The following NR3C2 variants were observed in gnomAD, a reference collection of about 807,000 sequenced individuals.
NR3C2 encodes nuclear receptor subfamily 3 group C member 2, also known as mineralocorticoid receptor.
A neutral mutation model predicts 86.4 loss-of-function variants in NR3C2; 15 were observed. The observed-to-expected ratio is 0.17, with a 90% CI of 0.12 to 0.27. NR3C2 has a LOEUF of 0.27. Ranked by LOEUF, NR3C2 falls within the 10% of genes least tolerant of loss-of-function variation. The pLI is 1.00. For missense variants in NR3C2, 960 were observed against 1,195.6 expected (o/e 0.80, Z 2.91); for synonymous variants, 458 against 450.5 (o/e 1.02, Z -0.21).
intron 3 of NR3C2, among the ~76,000 whole-genome samples, chr4:148,226,028 A>G (rs1257696625): frequency 6.6e-6 from 1 of 152,196 alleles, no homozygotes; most frequent in African/African-American, 2.4e-5. Flanking sequence ...CTTTCCTAAG[A>G]TATGTGTAAT....
chr4:148,155,329 G>C (rs923454845), intron 4 of NR3C2, among the ~76,000 whole-genome samples: 4 of 152,178 alleles, frequency 2.6e-5, no homozygotes, highest in Admixed American at 6.5e-5. Context: ...AATTGTCCCT[G>C]TTTGCAGACG....
chr4:148,123,547 G>A (rs1732610559), intron 6 of NR3C2, among the ~76,000 whole-genome samples: 1 of 152,166 alleles, frequency 6.6e-6, no homozygotes. Context: ...AAACTTGCTG[G>A]TTTTGAGGCT....
At chr4:148,365,210 GA>G (rs1746049963) in intron 2 of NR3C2, among the ~76,000 whole-genome samples, 1 of 152,186 alleles carries the variant, frequency 6.6e-6, no homozygotes. Context: ...AGGGGGCTAG[GA>G]AAGCCTTTCT....
At chr4:148,226,500 A>G (rs1738173319) in intron 3 of NR3C2, among the ~76,000 whole-genome samples, 1 of 152,206 alleles carries the variant, frequency 6.6e-6, no homozygotes, top group African/African-American at 2.4e-5. Flanking sequence ...CACATTATGA[A>G]TAAAGATGCT....
intron 2 of NR3C2, among the ~76,000 whole-genome samples, chr4:148,327,052 G>T (rs1186486347): frequency 6.6e-6 from 1 of 152,142 alleles, no homozygotes; most frequent in African/African-American, 2.4e-5. Flanking sequence ...TGATTATTCA[G>T]TTCTAGAGTT....
intron 2 of NR3C2, among the ~76,000 whole-genome samples, chr4:148,414,277 T>G (rs1203687375): frequency 1.3e-5 from 2 of 152,160 alleles, no homozygotes; most frequent in Non-Finnish European, 2.9e-5. Context: ...TGACTTGGAC[T>G]GCTTCCGCAA....
chr4:148,402,928 T>A (rs1039213610), intron 2 of NR3C2, among the ~76,000 whole-genome samples: 2 of 152,074 alleles, frequency 1.3e-5, no homozygotes, highest in African/African-American at 4.8e-5. Context: ...ACAATAGTGG[T>A]TCCTTTGGTT....
At chr4:148,348,664 A>T (rs1745121379) in intron 2 of NR3C2, among the ~76,000 whole-genome samples, 1 of 152,128 alleles carries the variant, frequency 6.6e-6, no homozygotes, top group South Asian at 2.1e-4. Context: ...GGAGCTAATG[A>T]GGTTTATAGG....
At position 148,436,295 on chromosome 4, in the gene NR3C2, T is replaced by G; in HGVS notation, c.566A>C (p.Glu189Ala). Residue 189 changes from glutamate to alanine, a missense_variant, in exon 2 of 9, where the codon GAG becomes GCG. Coordinates refer to ENST00000358102, the MANE Select transcript of NR3C2 (RefSeq NM_000901.5). ...AVVKSPIMCH[E>A]KSPSVCSPLN... Reference sequence around the variant, plus strand: ...AGGGCTGCAAACAGACGGGCTTTTCTCATGACACATGATAGGGCTTTTAAC... The same window carrying G: ...AGGGCTGCAAACAGACGGGCTTTTCGCATGACACATGATAGGGCTTTTAAC... 6.2e-7 allele frequency: 1 copy of G among 1,614,166 alleles called. No individual in the cohort carries two copies. The highest frequency in any genetic ancestry group is 1.1e-5 in the South Asian group (1 of 91,088).
intron 3 of NR3C2, among the ~76,000 whole-genome samples, chr4:148,226,831 C>G (rs1224087744): frequency 1.3e-5 from 2 of 152,136 alleles, no homozygotes; most frequent in Admixed American, 1.3e-4. Flanking sequence ...ATTTCTCTGA[C>G]TACAAATGAT....
At chr4:148,268,351 A>G (rs1208366360) in intron 2 of NR3C2, among the ~76,000 whole-genome samples, 4 of 152,178 alleles carry the variant, frequency 2.6e-5, no homozygotes, top group Non-Finnish European at 5.9e-5. Flanking sequence ...ATCTTTGCTG[A>G]CAAATGAATC....
chr4:148,363,158 T>C lies in NR3C2; in HGVS notation c.1757+71946A>G, dbSNP rs573554289. On this transcript the variant is annotated intron_variant, in intron 2 of 8. Transcript: ENST00000358102. ...TAAGGACAATACGTGAAATGACAGA[T>C]GCCGAAGCCCTGAGTGACCATGAGG... 5.3e-5 allele frequency among the ~76,000 whole-genome samples: 8 copies of C among 152,302 alleles called. No homozygotes were observed. The South Asian group carries it at 1.7e-3, about 32-fold the overall frequency.
chr4:148,091,400 G>A (rs775471743), intron 8 of NR3C2, among the ~76,000 whole-genome samples: 48 of 152,356 alleles, frequency 3.2e-4, no homozygotes, highest in Non-Finnish European at 6.2e-4. Context: ...CTTAGCAGAT[G>A]TTTAAGGTAG....
chr4:148,338,003 T>C (rs930181063), intron 2 of NR3C2, among the ~76,000 whole-genome samples: 5 of 152,188 alleles, frequency 3.3e-5, no homozygotes, highest in Non-Finnish European at 7.3e-5. Flanking sequence ...TTCCTAAACT[T>C]TACATACCTA....
upstream of NR3C2, among the ~76,000 whole-genome samples, chr4:148,445,159 C>G (rs960735761): frequency 1.3e-5 from 2 of 152,022 alleles, no homozygotes; most frequent in Non-Finnish European, 2.9e-5. Context: ...GCACGCACCC[C>G]CTTCAGCCCT....
chr4:148,289,123 A>T (rs1466240778), intron 2 of NR3C2, among the ~76,000 whole-genome samples: 1 of 152,206 alleles, frequency 6.6e-6, no homozygotes, highest in African/African-American at 2.4e-5. Context: ...ATTTTAAAAT[A>T]AACTGGATAT....
intron 4 of NR3C2, among the ~76,000 whole-genome samples, chr4:148,175,899 G>A (rs1735353749): frequency 6.6e-6 from 1 of 152,208 alleles, no homozygotes; most frequent in Non-Finnish European, 1.5e-5. Context: ...GGGAGGCTGA[G>A]GCGGGAGGAT....
At chr4:148,259,743 A>G (rs1740003211) in intron 3 of NR3C2, among the ~76,000 whole-genome samples, 1 of 152,212 alleles carries the variant, frequency 6.6e-6, no homozygotes. Context: ...GTGACAAACA[A>G]CAAAAAATCC....
intron 8 of NR3C2, among the ~76,000 whole-genome samples, chr4:148,099,682 C>T (rs1029979107): frequency 1.3e-5 from 2 of 152,126 alleles, no homozygotes; most frequent in Non-Finnish European, 2.9e-5. Flanking sequence ...AGGTATTACA[C>T]AGTTATTATT....
Sources: gnomAD v4.1 joint callset for allele counts (sites outside exome capture counted in the v4.1 genomes callset) on GRCh38, gnomAD v4.1.1 for gene constraint, MANE v1.5 for transcripts, NCBI Gene and HGNC (gene_info 2026-07-23, HGNC 2026-07-21) for gene names.